Variants in CEP112 observed in about 807,000 individuals in gnomAD.
The protein encoded by CEP112 is centrosomal protein of 112 kDa.
A neutral mutation model predicts 153.0 loss-of-function variants in CEP112; 127 were observed. The observed-to-expected ratio is 0.83, with a 90% CI of 0.72 to 0.96. The LOEUF (loss-of-function observed/expected upper bound fraction) is 0.96, where lower values mean the gene tolerates loss of function less well. Among genes scored for constraint, CEP112 ranks in the 40% least tolerant of loss-of-function variants. The pLI is 0.00. For synonymous variants in CEP112, 358 were observed against 374.4 expected, an observed-to-expected ratio of 0.96 and a Z score of 0.51; for missense variants, 1,089 against 1,101.2, an observed-to-expected ratio of 0.99 and a Z score of 0.16.
chr17:66,133,328 A>C (rs1028340763), intron 4 of CEP112, among the ~76,000 whole-genome samples: 1 of 152,196 alleles, frequency 6.6e-6, no homozygotes, highest in Non-Finnish European at 1.5e-5. Flanking sequence ...AAGGTCAGCA[A>C]ACTTGGTTGG....
chr17:65,943,472 C>A (rs528002300), intron 18 of CEP112, among the ~76,000 whole-genome samples: 3 of 152,168 alleles, frequency 2.0e-5, no homozygotes, highest in Non-Finnish European at 4.4e-5. Flanking sequence ...ACTTATGAAG[C>A]TTAGTTGCCC....
chr17:66,142,489 T>C (rs1302143218), intron 4 of CEP112, among the ~76,000 whole-genome samples: 3 of 152,184 alleles, frequency 2.0e-5, no homozygotes, highest in South Asian at 4.1e-4. Context: ...TCAGATCTTA[T>C]GTTTAAGTCT....
At chr17:65,689,355 C>A in intron 23 of CEP112, 137 bp from the exon 24 acceptor site, 1 of 588,318 alleles carries the variant, frequency 1.7e-6, no homozygotes, top group Non-Finnish European at 3.0e-6. Context: ...GCAAACAATA[C>A]CAGACTTTTG....
chr17:66,044,017 ACAGACTCCGTCCATGTTT>A (rs2066096176), intron 12 of CEP112, among the ~76,000 whole-genome samples: 1 of 152,158 alleles, frequency 6.6e-6, no homozygotes, highest in Non-Finnish European at 1.5e-5. Context: ...AATCCTGCTG[ACAGACTCCGTCCATGTTT>A]CTCTATATTT....
At chr17:65,893,050 T>C (rs1257447540) in intron 20 of CEP112, among the ~76,000 whole-genome samples, 1 of 152,144 alleles carries the variant, frequency 6.6e-6, no homozygotes. Context: ...CCTGCGACTT[T>C]CAGGTCTTTC....
chr17:65,919,590 G>C (rs776251018), intron 19 of CEP112, among the ~76,000 whole-genome samples: 1 of 152,154 alleles, frequency 6.6e-6, no homozygotes, highest in Non-Finnish European at 1.5e-5. Flanking sequence ...GGTGGAATCA[G>C]AGAAGTCGGT....
chr17:65,970,662 C>A (rs1006279631), intron 17 of CEP112, among the ~76,000 whole-genome samples: 1 of 151,922 alleles, frequency 6.6e-6, no homozygotes, highest in Non-Finnish European at 1.5e-5. Flanking sequence ...ATATTACATA[C>A]ATGCATATTA....
chr17:66,058,368 G>A (rs1250853138), intron 11 of CEP112, among the ~76,000 whole-genome samples: 1 of 151,952 alleles, frequency 6.6e-6, no homozygotes, highest in East Asian at 1.9e-4. Context: ...AAACCAAAAT[G>A]TGAGAAAGAA....
At chr17:66,002,386 G>C (rs1216095688) in intron 17 of CEP112, among the ~76,000 whole-genome samples, 1 of 152,134 alleles carries the variant, frequency 6.6e-6, no homozygotes, top group Non-Finnish European at 1.5e-5. Flanking sequence ...TATAATCTGA[G>C]AGAATCAAAG....
At chr17:65,638,079 G>C (rs570091388) in intron 25 of CEP112, among the ~76,000 whole-genome samples, 1 of 152,280 alleles carries the variant, frequency 6.6e-6, no homozygotes, top group Admixed American at 6.5e-5. Flanking sequence ...TACTTCCCAA[G>C]GTTATGAGGA....
chr17:66,032,738 G>A (rs1158445783), intron 12 of CEP112, among the ~76,000 whole-genome samples: 1 of 152,050 alleles, frequency 6.6e-6, no homozygotes, highest in African/African-American at 2.4e-5. Flanking sequence ...AAAATCAGAG[G>A]AAAAATAGAA....
chr17:65,702,826 A>C (rs145421830), intron 23 of CEP112, among the ~76,000 whole-genome samples: 53 of 152,248 alleles, frequency 3.5e-4, no homozygotes, highest in African/African-American at 1.1e-3. Context: ...CAGAATGTGT[A>C]AGGGAACTGC....
intron 18 of CEP112, among the ~76,000 whole-genome samples, chr17:65,957,021 T>C (rs1430236459): frequency 6.6e-6 from 1 of 152,036 alleles, no homozygotes; most frequent in African/African-American, 2.4e-5. Context: ...ATGCCTTGGG[T>C]AGGACAGAGC....
chr17:65,980,834 G>A (rs571770907), intron 17 of CEP112, among the ~76,000 whole-genome samples: 28 of 152,176 alleles, frequency 1.8e-4, no homozygotes, highest in Non-Finnish European at 3.7e-4. Context: ...CTAGAGTGCA[G>A]TGGCACGATC....
intron 4 of CEP112, among the ~76,000 whole-genome samples, chr17:66,158,779 A>G (rs2071562322): frequency 6.6e-6 from 1 of 152,214 alleles, no homozygotes; most frequent in Admixed American, 6.5e-5. Flanking sequence ...CCCTAACATC[A>G]CAATTAAAAG....
At chr17:65,698,718 C>T (rs1258912909) in intron 23 of CEP112, among the ~76,000 whole-genome samples, 2 of 152,098 alleles carry the variant, frequency 1.3e-5, no homozygotes, top group Non-Finnish European at 2.9e-5. Flanking sequence ...GTTCTTATCT[C>T]GGGTGGTAGA....
intron 24 of CEP112, among the ~76,000 whole-genome samples, chr17:65,654,649 C>T (rs1248498792): frequency 1.3e-5 from 2 of 152,202 alleles, no homozygotes; most frequent in African/African-American, 4.8e-5. Context: ...ATGGTTCAAA[C>T]CTAGCACTTT....
intron 4 of CEP112, among the ~76,000 whole-genome samples, chr17:66,140,891 C>T (rs1456132816): frequency 6.6e-6 from 1 of 152,032 alleles, no homozygotes; most frequent in African/African-American, 2.4e-5. Flanking sequence ...AAGTGATCTG[C>T]CCGCCTCAGC....
chr17:65,820,621 T>C (rs558283559), intron 21 of CEP112, among the ~76,000 whole-genome samples: 2 of 152,254 alleles, frequency 1.3e-5, no homozygotes, highest in East Asian at 3.9e-4. Flanking sequence ...GGCCATTCGC[T>C]ATAATCTAAG....
Sources: gnomAD v4.1 joint callset for allele counts (sites outside exome capture counted in the v4.1 genomes callset) on GRCh38, gnomAD v4.1.1 for gene constraint, MANE v1.5 for transcripts, NCBI Gene and HGNC (gene_info 2026-07-23, HGNC 2026-07-21) for gene names.